Variants in PCDH15 observed in about 807,000 individuals in gnomAD.
PCDH15 encodes protocadherin related 15.
PCDH15 carries 129 observed loss-of-function variants against 178.5 expected under a neutral mutation model. The observed-to-expected ratio is 0.72, with a 90% CI of 0.63 to 0.84. PCDH15 has a LOEUF of 0.84. PCDH15 is among the 40% of genes least tolerant of loss of function. The pLI is 0.00. For missense variants in PCDH15, 2,230 were observed against 2,099.9 expected, an observed-to-expected ratio of 1.06 and a Z score of -1.21; for synonymous variants, 800 against 732.0, an observed-to-expected ratio of 1.09 and a Z score of -1.50.
At chr10:54,730,253 G>A (rs1004065185) in intron 1 of PCDH15, among the ~76,000 whole-genome samples, 20 of 151,472 alleles carry the variant, frequency 1.3e-4, no homozygotes, top group African/African-American at 4.4e-4. Flanking sequence ...TTTCAGCAAC[G>A]TGGATGGAAC....
intron 26 of PCDH15, among the ~76,000 whole-genome samples, chr10:53,894,145 A>G (rs937316518): frequency 6.6e-6 from 1 of 152,234 alleles, no homozygotes; most frequent in East Asian, 1.9e-4. Context: ...GGAAAACATA[A>G]TGTCTGCTTA....
intron 1 of PCDH15, among the ~76,000 whole-genome samples, chr10:55,311,126 C>T (rs1009467676): frequency 6.6e-6 from 1 of 152,136 alleles, no homozygotes; most frequent in Admixed American, 6.5e-5. Flanking sequence ...GAGAAGGTGG[C>T]TTTAGGAGAT....
intron 2 of PCDH15, among the ~76,000 whole-genome samples, chr10:54,595,830 T>C (rs541041431): frequency 6.6e-6 from 1 of 152,288 alleles, no homozygotes; most frequent in East Asian, 1.9e-4. Flanking sequence ...AATGCAATTG[T>C]ATTAAGAGAA....
At chr10:54,511,446 CAG>C (rs1463431018) in intron 3 of PCDH15, among the ~76,000 whole-genome samples, 3 of 152,228 alleles carry the variant, frequency 2.0e-5, no homozygotes, top group South Asian at 2.1e-4. Flanking sequence ...CCACCAGAAA[CAG>C]AGAGAATAGC....
chr10:53,833,156 G>A (rs1038737738), intron 29 of PCDH15, among the ~76,000 whole-genome samples: 10 of 151,898 alleles, frequency 6.6e-5, no homozygotes, highest in African/African-American at 2.4e-4. Context: ...TATATTATTA[G>A]AACAAGGAAG....
At chr10:54,209,409 A>G (rs546504936) in intron 10 of PCDH15, among the ~76,000 whole-genome samples, 2 of 152,214 alleles carry the variant, frequency 1.3e-5, no homozygotes, top group African/African-American at 4.8e-5. Context: ...GTAGATGAGC[A>G]GAGTTGAGAT....
At chr10:54,495,547 G>A (rs1167743769) in intron 3 of PCDH15, among the ~76,000 whole-genome samples, 1 of 152,088 alleles carries the variant, frequency 6.6e-6, no homozygotes, top group African/African-American at 2.4e-5. Context: ...AATAAGAGAG[G>A]ATATAATTTC....
At chr10:54,391,653 A>T (rs1403445178) in intron 3 of PCDH15, among the ~76,000 whole-genome samples, 1 of 152,032 alleles carries the variant, frequency 6.6e-6, no homozygotes, top group Admixed American at 6.6e-5. Context: ...TTAGAAAAGA[A>T]GGCAGCCAGC....
chr10:55,364,457 C>A (rs1000443699), intron 2 of PCDH15, among the ~76,000 whole-genome samples: 3 of 151,934 alleles, frequency 2.0e-5, no homozygotes, highest in African/African-American at 7.3e-5. Flanking sequence ...AGTCATTGTT[C>A]TTTCGTATAT....
intron 2 of PCDH15, among the ~76,000 whole-genome samples, chr10:55,413,202 AG>A (rs951964872): frequency 6.6e-6 from 1 of 151,834 alleles, no homozygotes; most frequent in Non-Finnish European, 1.5e-5. Flanking sequence ...TAAATCTGAT[AG>A]GAATTAAAAT....
At chr10:55,345,145 C>G (rs1041497965) in intron 2 of PCDH15, among the ~76,000 whole-genome samples, 78 of 151,100 alleles carry the variant, frequency 5.2e-4, no homozygotes, top group Admixed American at 3.3e-3. Context: ...GTGTGTGTCT[C>G]TCTCTCTCTC....
chr10:54,030,190 T>C (rs932143320), intron 18 of PCDH15, among the ~76,000 whole-genome samples: 1 of 152,090 alleles, frequency 6.6e-6, no homozygotes, highest in East Asian at 1.9e-4. Context: ...TGCTTTGCTC[T>C]ACCTTTTGCT....
At chr10:55,078,274 T>C (rs375470756) in intron 2 of PCDH15, among the ~76,000 whole-genome samples, 9 of 152,288 alleles carry the variant, frequency 5.9e-5, no homozygotes, top group East Asian at 1.9e-4. Flanking sequence ...TTTTGAGAGA[T>C]TGACTATATT....
At chr10:54,857,279 T>C (rs1368117434) in intron 3 of PCDH15, among the ~76,000 whole-genome samples, 1 of 152,206 alleles carries the variant, frequency 6.6e-6, no homozygotes, top group African/African-American at 2.4e-5. Flanking sequence ...AAATATAAAC[T>C]AATTCTAACA....
At chr10:55,447,828 G>A (rs533984324) in intron 2 of PCDH15, among the ~76,000 whole-genome samples, 1 of 152,092 alleles carries the variant, frequency 6.6e-6, no homozygotes, top group East Asian at 1.9e-4. Flanking sequence ...TGTGTTGGGA[G>A]GGTTTTTATA....
At chr10:55,333,370 T>C (rs1844264643) in intron 2 of PCDH15, among the ~76,000 whole-genome samples, 1 of 150,894 alleles carries the variant, frequency 6.6e-6, no homozygotes, top group African/African-American at 2.5e-5. Context: ...AAATCATCTT[T>C]TTTTTGGTTG....
At chr10:54,844,737 A>G (rs1421195792) in intron 3 of PCDH15, among the ~76,000 whole-genome samples, 2 of 152,010 alleles carry the variant, frequency 1.3e-5, no homozygotes, top group African/African-American at 2.4e-5. Flanking sequence ...CACTGCCTCA[A>G]TGTTAACTAT....
intron 37 of PCDH15, chr10:53,809,287 T>A: frequency 6.2e-7 from 1 of 1,613,960 alleles, no homozygotes; most frequent in Non-Finnish European, 8.5e-7. Flanking sequence ...TGCTTCCTCT[T>A]GGTCCAGAGT....
At chr10:54,160,495 T>G (rs2045598899) in intron 13 of PCDH15, among the ~76,000 whole-genome samples, 1 of 152,134 alleles carries the variant, frequency 6.6e-6, no homozygotes, top group African/African-American at 2.4e-5. Flanking sequence ...AGAAAATCTT[T>G]GTGAATTTGG....
Sources: gnomAD v4.1 joint callset for allele counts (sites outside exome capture counted in the v4.1 genomes callset) on GRCh38, gnomAD v4.1.1 for gene constraint, MANE v1.5 for transcripts, NCBI Gene and HGNC (gene_info 2026-07-23, HGNC 2026-07-21) for gene names.